The following ACYP2 variants were observed in gnomAD, a reference collection of about 807,000 sequenced individuals.
ACYP2 encodes the protein acylphosphatase 2, also known as acylphosphatase-2.
ACYP2 carries 12 observed loss-of-function variants against 11.2 expected under a neutral mutation model. The observed-to-expected ratio is 1.08, with a 90% CI of 0.69 to 1.74. The LOEUF is 1.74. Among genes scored for constraint, ACYP2 ranks in the 40% most tolerant of loss-of-function variants. ACYP2 has a pLI of 0.00. For missense variants in ACYP2, 134 were observed against 101.9 expected, an observed-to-expected ratio of 1.31 and a Z score of -1.35; for synonymous variants, 43 against 32.2, an observed-to-expected ratio of 1.33 and a Z score of -1.13.
intron 4 of ACYP2, among the ~76,000 whole-genome samples, chr2:54,090,314 A>T (rs1336773703): frequency 6.6e-6 from 1 of 151,712 alleles, no homozygotes; most frequent in Non-Finnish European, 1.5e-5. Flanking sequence ...TTGCCATGAA[A>T]CTGGGCTACT....
At chr2:54,015,822 C>A (rs1467573557) in intron 2 of ACYP2, among the ~76,000 whole-genome samples, 1 of 152,060 alleles carries the variant, frequency 6.6e-6, no homozygotes, top group East Asian at 1.9e-4. Flanking sequence ...GAGTAGATTA[C>A]ACTGAGTTGT....
intron 6 of ACYP2, among the ~76,000 whole-genome samples, chr2:54,269,580 G>GT (rs1688189901): frequency 6.6e-6 from 1 of 152,172 alleles, no homozygotes; most frequent in Non-Finnish European, 1.5e-5. Context: ...TTTGGGAAAT[G>GT]TGAGTGTTCT....
chr2:54,068,589 G>C (rs909125775), intron 4 of ACYP2, among the ~76,000 whole-genome samples: 1 of 152,198 alleles, frequency 6.6e-6, no homozygotes, highest in East Asian at 1.9e-4. Flanking sequence ...TGGTTTTTCA[G>C]TTCTTCCCTC....
chr2:54,023,601 C>CTGT (rs1374929798), intron 2 of ACYP2, among the ~76,000 whole-genome samples: 2 of 152,074 alleles, frequency 1.3e-5, no homozygotes, highest in Non-Finnish European at 2.9e-5. Flanking sequence ...TTGCATTTGT[C>CTGT]TGTGACTAAA....
chr2:54,270,287 G>T (rs1222154059), intron 6 of ACYP2, among the ~76,000 whole-genome samples: 4 of 152,066 alleles, frequency 2.6e-5, no homozygotes, highest in Non-Finnish European at 5.9e-5. Flanking sequence ...GCTGTCTAAA[G>T]ATTTCACAGA....
intron 4 of ACYP2, among the ~76,000 whole-genome samples, chr2:54,114,092 T>C (rs1190730341): frequency 6.6e-6 from 1 of 152,366 alleles, no homozygotes; most frequent in South Asian, 2.1e-4. Context: ...TGTTCTCTAA[T>C]AGAATTGGCA....
chr2:54,108,045 C>G (rs1003428788), intron 4 of ACYP2, among the ~76,000 whole-genome samples: 3 of 152,166 alleles, frequency 2.0e-5, no homozygotes, highest in Admixed American at 6.5e-5. Flanking sequence ...ATTAGTAAAA[C>G]AGATGTCCTG....
intron 2 of ACYP2, among the ~76,000 whole-genome samples, chr2:53,978,453 A>G (rs1017508598): frequency 1.3e-5 from 2 of 152,340 alleles, no homozygotes; most frequent in African/African-American, 2.4e-5. Flanking sequence ...TAAGGACCAC[A>G]TAGACAGTGG....
chr2:53,978,563 C>T (rs111953288), intron 2 of ACYP2, among the ~76,000 whole-genome samples: 4 of 152,196 alleles, frequency 2.6e-5, no homozygotes, highest in East Asian at 1.9e-4. Flanking sequence ...CTGATGTGAA[C>T]GAACCTACTA....
intron 6 of ACYP2, among the ~76,000 whole-genome samples, chr2:54,288,749 G>A (rs575786540): frequency 8.5e-5 from 13 of 152,086 alleles, no homozygotes; most frequent in Admixed American, 2.0e-4. Flanking sequence ...CCCACAGAAA[G>A]CTGCTAACTA....
chr2:54,268,231 G>C (rs1161753563), intron 6 of ACYP2, among the ~76,000 whole-genome samples: 1 of 152,052 alleles, frequency 6.6e-6, no homozygotes, highest in Non-Finnish European at 1.5e-5. Context: ...TCTATATTTT[G>C]GTTTTGATCA....
chr2:54,258,624 G>T (rs1315729915), intron 6 of ACYP2, among the ~76,000 whole-genome samples: 2 of 152,098 alleles, frequency 1.3e-5, no homozygotes, highest in Non-Finnish European at 2.9e-5. Context: ...TGGTGGCAAT[G>T]GTAGATTTAG....
chr2:54,003,401 A>C (rs1275577566), intron 2 of ACYP2, among the ~76,000 whole-genome samples: 4 of 152,162 alleles, frequency 2.6e-5, no homozygotes. Context: ...CTGGGATTAC[A>C]GGCATCTGCC....
chr2:54,133,601 G>T (rs1385872604), intron 4 of ACYP2, among the ~76,000 whole-genome samples: 4 of 152,156 alleles, frequency 2.6e-5, no homozygotes, highest in East Asian at 3.8e-4. Context: ...TCAAGTAGGA[G>T]CCCAGATGTG....
At chr2:54,269,057 C>T (rs186317823) in intron 6 of ACYP2, among the ~76,000 whole-genome samples, 2 of 152,238 alleles carry the variant, frequency 1.3e-5, no homozygotes, top group Admixed American at 6.5e-5. Context: ...TGTCCAAGGT[C>T]ACACACTCAG....
At chr2:54,182,590 G>A (rs547730666) in intron 6 of ACYP2, among the ~76,000 whole-genome samples, 37 of 152,080 alleles carry the variant, frequency 2.4e-4, no homozygotes, top group African/African-American at 8.2e-4. Context: ...CTCCTGCCTT[G>A]GCCTCCCAAA....
chr2:54,254,844 A>G, intron 6 of ACYP2: 1 of 1,434,840 alleles, frequency 7.0e-7, no homozygotes, highest in South Asian at 1.3e-5. Context: ...GGGCATACCT[A>G]ATGCTGTTGC....
At chr2:53,980,971 C>G (rs1432806907) in intron 2 of ACYP2, among the ~76,000 whole-genome samples, 2 of 151,946 alleles carry the variant, frequency 1.3e-5, no homozygotes, top group African/African-American at 4.8e-5. Flanking sequence ...AACGTGGTCT[C>G]GAACTCCTGG....
intron 6 of ACYP2, among the ~76,000 whole-genome samples, chr2:54,272,648 A>G (rs950622408): frequency 6.6e-6 from 1 of 152,238 alleles, no homozygotes; most frequent in African/African-American, 2.4e-5. Context: ...TGTAAGTCAG[A>G]TAAGATGATC....
Sources: allele counts gnomAD v4.1 joint callset (sites outside exome capture counted in the v4.1 genomes callset), GRCh38; gene constraint gnomAD v4.1.1; transcripts MANE v1.5; gene names NCBI Gene and HGNC (gene_info 2026-07-23, HGNC 2026-07-21).